The following TRPC4 variants were observed in gnomAD, a reference collection of about 807,000 sequenced individuals.
The protein encoded by TRPC4 is transient receptor potential cation channel subfamily C member 4.
TRPC4 carries 49 observed loss-of-function variants against 99.4 expected under a neutral mutation model. The ratio of observed to expected loss-of-function variants is 0.49; its 90% CI spans 0.39 to 0.63. The LOEUF is 0.63. Among genes scored for constraint, TRPC4 ranks in the 20% least tolerant of loss-of-function variants. TRPC4 has a pLI of 0.00. For synonymous variants in TRPC4, 454 were observed against 425.9 expected, an observed-to-expected ratio of 1.07 and a Z score of -0.81; for missense variants, 898 against 1,152.9, an observed-to-expected ratio of 0.78 and a Z score of 3.20.
intron 3 of TRPC4, among the ~76,000 whole-genome samples, chr13:37,693,955 C>T (rs985960187): frequency 2.0e-5 from 3 of 152,048 alleles, no homozygotes; most frequent in African/African-American, 7.2e-5. Flanking sequence ...GCTCCATGAA[C>T]AGTCAAGCTA....
At chr13:37,732,255 C>A (rs1955261249) in intron 3 of TRPC4, among the ~76,000 whole-genome samples, 1 of 152,024 alleles carries the variant, frequency 6.6e-6, no homozygotes, top group Non-Finnish European at 1.5e-5. Flanking sequence ...CCAGTCTAAC[C>A]TGATAAATGA....
At chr13:37,818,197 C>T (rs2184128) in intron 1 of TRPC4, among the ~76,000 whole-genome samples, 43,731 of 151,368 alleles carry the variant, frequency 0.29, 6,485 homozygotes, top group East Asian at 0.43. Context: ...CCCAAAAGTG[C>T]ACAAAGGATG....
chr13:37,780,563 A>G (rs1362474122), intron 2 of TRPC4, among the ~76,000 whole-genome samples: 3 of 152,132 alleles, frequency 2.0e-5, no homozygotes, highest in Non-Finnish European at 2.9e-5. Context: ...AAGTCCTATC[A>G]AGGACATATT....
chr13:37,771,940 A>G (rs1388180410), intron 2 of TRPC4, among the ~76,000 whole-genome samples: 1 of 151,636 alleles, frequency 6.6e-6, no homozygotes, highest in Non-Finnish European at 1.5e-5. Context: ...AATAGAGGTA[A>G]GGGTGGACTT....
chr13:37,661,942 G>C (rs530793675), intron 6 of TRPC4, among the ~76,000 whole-genome samples: 16 of 152,256 alleles, frequency 1.1e-4, no homozygotes, highest in Non-Finnish European at 1.9e-4. Context: ...GGTCAGAAGA[G>C]AGCAGTGGGA....
At chr13:37,678,715 A>G (rs1438294245) in intron 4 of TRPC4, among the ~76,000 whole-genome samples, 3 of 152,132 alleles carry the variant, frequency 2.0e-5, no homozygotes, top group African/African-American at 7.2e-5. Context: ...ACACTCTTGC[A>G]AAGATAACAA....
intron 5 of TRPC4, among the ~76,000 whole-genome samples, chr13:37,669,208 C>T (rs761288525): frequency 4.6e-5 from 7 of 151,700 alleles, no homozygotes; most frequent in East Asian, 1.9e-4. Flanking sequence ...AATTACACAG[C>T]GAAAAAGGAA....
At chr13:37,849,562 T>C (rs1179439638) in intron 1 of TRPC4, among the ~76,000 whole-genome samples, 2 of 152,178 alleles carry the variant, frequency 1.3e-5, no homozygotes, top group Non-Finnish European at 2.9e-5. Flanking sequence ...GAGTCTAGAA[T>C]TTTATCTAAA....
At chr13:37,653,321 G>A (rs1026182817) in intron 7 of TRPC4, among the ~76,000 whole-genome samples, 31 of 152,102 alleles carry the variant, frequency 2.0e-4, no homozygotes, top group African/African-American at 6.5e-4. Flanking sequence ...CTACATAAGT[G>A]CTTCTGCCTT....
At chr13:37,850,902 G>A (rs964875533) in intron 1 of TRPC4, among the ~76,000 whole-genome samples, 5 of 152,078 alleles carry the variant, frequency 3.3e-5, no homozygotes, top group Non-Finnish European at 7.4e-5. Context: ...TAATTCCCAC[G>A]TCCTGGTGAA....
intron 1 of TRPC4, among the ~76,000 whole-genome samples, chr13:37,840,209 C>T (rs558266027): frequency 1.1e-4 from 17 of 152,130 alleles, no homozygotes; most frequent in Admixed American, 3.3e-4. Context: ...AGGTATCTGG[C>T]ACAACTTTCT....
chr13:37,698,414 G>C (rs1716844182), intron 3 of TRPC4, among the ~76,000 whole-genome samples: 1 of 151,686 alleles, frequency 6.6e-6, no homozygotes, highest in African/African-American at 2.4e-5. Flanking sequence ...GCCTGCCTCA[G>C]CCTCACAAAG....
At chr13:37,655,573 TGA>T (rs1014992389) in intron 6 of TRPC4, among the ~76,000 whole-genome samples, 4 of 152,016 alleles carry the variant, frequency 2.6e-5, no homozygotes, top group African/African-American at 9.7e-5. Flanking sequence ...GCATGGGTAC[TGA>T]GTTAAGAATG....
chr13:37,756,535 C>CTTTTTTTTTTT (rs34355727), intron 2 of TRPC4, among the ~76,000 whole-genome samples: 1 of 137,314 alleles, frequency 7.3e-6, no homozygotes. Context: ...TTTTTTTTTT[C>CTTTTTTTTTTT]TTTTTTTTTT....
At chr13:37,710,956 T>C (rs2138984278) in intron 3 of TRPC4, among the ~76,000 whole-genome samples, 1 of 152,072 alleles carries the variant, frequency 6.6e-6, no homozygotes, top group Middle Eastern at 3.4e-3. Context: ...TTCTCTCTTA[T>C]ACCAGGCAAA....
intron 3 of TRPC4, among the ~76,000 whole-genome samples, chr13:37,699,849 AC>A (rs1394448337): frequency 6.6e-6 from 1 of 152,190 alleles, no homozygotes. Flanking sequence ...AACTTCTGAA[AC>A]CATTCCTGAG....
chr13:37,698,825 T>C (rs534094432), intron 3 of TRPC4, among the ~76,000 whole-genome samples: 2 of 152,246 alleles, frequency 1.3e-5, no homozygotes, highest in South Asian at 4.2e-4. Flanking sequence ...TAAACCAGTG[T>C]TAAACAGACT....
chr13:37,788,896 T>A (rs1957038819), intron 1 of TRPC4, among the ~76,000 whole-genome samples: 1 of 152,134 alleles, frequency 6.6e-6, no homozygotes, highest in East Asian at 1.9e-4. Flanking sequence ...TAAATAATAT[T>A]AACAATCATT....
chr13:37,842,371 G>A (rs9548072), intron 1 of TRPC4, among the ~76,000 whole-genome samples: 2,085 of 53,898 alleles, frequency 0.039, 95 homozygotes, highest in African/African-American at 0.066. Flanking sequence ...AAAAAAAAAA[G>A]GAAAAGGAAA....
Sources: gnomAD v4.1 joint callset for allele counts (sites outside exome capture counted in the v4.1 genomes callset) on GRCh38, gnomAD v4.1.1 for gene constraint, MANE v1.5 for transcripts, NCBI Gene and HGNC (gene_info 2026-07-23, HGNC 2026-07-21) for gene names.